The following JMJD1C variants were observed in gnomAD, a reference collection of about 807,000 sequenced individuals.
JMJD1C encodes the protein jumonji domain containing 1C.
JMJD1C carries 31 observed loss-of-function variants against 245.3 expected under a neutral mutation model. The observed-to-expected ratio is 0.13, with a 90% CI of 0.09 to 0.17. The LOEUF is 0.17. Ranked by LOEUF, JMJD1C falls within the 10% of genes least tolerant of loss-of-function variation. The pLI is 1.00. For missense variants in JMJD1C, 2,691 were observed against 3,000.2 expected, an observed-to-expected ratio of 0.90 and a Z score of 2.41; for synonymous variants, 1,057 against 1,017.4, an observed-to-expected ratio of 1.04 and a Z score of -0.74.
At chr10:63,271,870 T>A (rs1229978050) in intron 2 of JMJD1C, among the ~76,000 whole-genome samples, 1 of 151,590 alleles carries the variant, frequency 6.6e-6, no homozygotes, top group Non-Finnish European at 1.5e-5. Flanking sequence ...AGGTCAAGAG[T>A]TTGAGACCAG....
chr10:63,342,408 G>A (rs2134236449), intron 2 of JMJD1C, among the ~76,000 whole-genome samples: 1 of 152,312 alleles, frequency 6.6e-6, no homozygotes, highest in African/African-American at 2.4e-5. Context: ...TGTTAATGAG[G>A]CAGATGACAC....
intron 1 of JMJD1C, among the ~76,000 whole-genome samples, chr10:63,403,958 C>T (rs897818720): frequency 1.3e-5 from 2 of 150,408 alleles, no homozygotes; most frequent in Admixed American, 6.6e-5. Flanking sequence ...CAACAAAAAA[C>T]ACAAAAATTA....
chr10:63,363,571 G>C (rs74998458), intron 2 of JMJD1C, among the ~76,000 whole-genome samples: 1 of 151,610 alleles, frequency 6.6e-6, no homozygotes, highest in Non-Finnish European at 1.5e-5. Flanking sequence ...ACAATTTTTC[G>C]ATCAATTCCT....
chr10:63,369,687 T>C (rs1946140517), intron 2 of JMJD1C, among the ~76,000 whole-genome samples: 1 of 152,206 alleles, frequency 6.6e-6, no homozygotes. Flanking sequence ...ATGTAGACGT[T>C]CAAATATATT....
intron 23 of JMJD1C, 91 bp from the exon 24 acceptor site, chr10:63,176,564 A>G: frequency 1.1e-6 from 1 of 942,048 alleles, no homozygotes; most frequent in South Asian, 1.7e-5. Flanking sequence ...GTAATAACAA[A>G]TCTTTTCTTC....
chr10:63,207,721 A>G lies in JMJD1C; in HGVS notation c.3948T>C (p.Asp1316=), dbSNP rs1846811784. Residue 1316 remains aspartate (D), a synonymous_variant, in exon 10 of 26, where the codon GAT becomes GAC. Coordinates refer to ENST00000399262, the MANE Select transcript of JMJD1C (RefSeq NM_032776.3). ...IVRPSSSTKT[D]SMPAMQLASK... is the part of the protein sequence containing the mutation. ...AAGCTAACTGCATTGCTGGCATACTATCAGTTTTTGTACTAGAAGATGGAC... is the reference window on the plus strand; with the variant it reads ...AAGCTAACTGCATTGCTGGCATACTGTCAGTTTTTGTACTAGAAGATGGAC... The G allele has an allele frequency of 6.2e-7, 1 of 1,614,188 alleles. No homozygotes were observed. Among genetic ancestry groups the G allele is most frequent in the East Asian group, 2.2e-5 (1 of 44,892 alleles).
intron 1 of JMJD1C, among the ~76,000 whole-genome samples, chr10:63,416,416 C>A (rs1262495544): frequency 1.3e-5 from 2 of 151,474 alleles, no homozygotes; most frequent in African/African-American, 2.4e-5. Context: ...AAAAATCTAT[C>A]TCATTTTATG....
intron 2 of JMJD1C, among the ~76,000 whole-genome samples, chr10:63,296,981 T>C (rs984770945): frequency 6.6e-6 from 1 of 152,202 alleles, no homozygotes; most frequent in Non-Finnish European, 1.5e-5. Context: ...AATTATTCCC[T>C]TCTTGAACCA....
rs1554915199 is a variant in JMJD1C at position 63,387,629 on chromosome 10, A to AAT, written c.169-7148_169-7147insAT. On this transcript the variant is annotated intron_variant, in intron 1 of 25. Transcript: ENST00000399262. ...AGTCAGAAGAAAAAAGAAAAAAAAA[A>AAT]TTTTTTTTTTTTTTTTTTTTTTTTG... 7.7e-3 allele frequency among the ~76,000 whole-genome samples: 293 copies of AAT among 37,856 alleles called. 30 individuals are homozygous for AAT. The highest frequency in any genetic ancestry group is 0.02 in the African/African-American group (170 of 8,312). 24.8% of individuals were successfully genotyped at this position (37,856 alleles called of 152,430 possible). A position where few individuals can be genotyped will look rare whatever the true frequency, so the allele number is the denominator to read the frequency against.
Position 63,207,072 on chromosome 10 carries a change from CAG to C in JMJD1C, c.4595_4596del (p.Ser1532CysfsTer17). On this transcript the variant is annotated frameshift_variant, in exon 10 of 26. Transcript: ENST00000399262. LOFTEE classifies it high-confidence loss of function. The part of the protein sequence containing the change: ...VICSTINKAN[S>X]VGNGQASQTS... ...GTCTGGGAAGCTTGCCCATTTCCTA[CAG>C]AGTTTGCTTTGTTAATTGTACTACA... is the stretch of plus-strand genomic sequence containing the variant. 6.2e-7 allele frequency: 1 copy of C among 1,614,210 alleles called. No individual in the cohort carries two copies. Among genetic ancestry groups the C allele is most frequent in the Non-Finnish European group, 8.5e-7 (1 of 1,180,042 alleles).
chr10:63,461,130 T>C lies in JMJD1C; in HGVS notation c.168+4365A>G, dbSNP rs75795133. Among the ~76,000 whole-genome samples, 58 of 152,312 alleles carry C rather than the reference T, an allele frequency of 3.8e-4. 1 individual carries two copies. The East Asian group carries it at 9.8e-3, about 26-fold the overall frequency. On this transcript the variant is annotated intron_variant, in intron 1 of 25. Transcript: ENST00000399262. ...ACTGCACGAGTTTATGTCCCACCAT[T>C]GGGGCAATTTCGTCATTTTCCTATA...
At chr10:63,484,076 C>T (rs1953907574) in intron 1 of JMJD1C, among the ~76,000 whole-genome samples, 1 of 152,126 alleles carries the variant, frequency 6.6e-6, no homozygotes, top group East Asian at 1.9e-4. Context: ...ATGAACATGA[C>T]TTCACAGTGA....
At chr10:63,202,544 T>G (rs1214419135) in intron 10 of JMJD1C, 3 of 985,326 alleles carry the variant, frequency 3.0e-6, no homozygotes, top group Admixed American at 6.2e-5. Flanking sequence ...AGTGACCCAT[T>G]TGAAATCAGG....
At chr10:63,264,238 T>C (rs1042159697) in intron 3 of JMJD1C, among the ~76,000 whole-genome samples, 3 of 152,012 alleles carry the variant, frequency 2.0e-5, no homozygotes, top group Non-Finnish European at 4.4e-5. Context: ...ATTTCCCCTT[T>C]AAAAAAAGAA....
intron 24 of JMJD1C, 44 bp from the exon 25 acceptor site, chr10:63,168,610 G>A: frequency 6.6e-7 from 1 of 1,504,628 alleles, no homozygotes; most frequent in Non-Finnish European, 8.8e-7. Context: ...TTTAGGAGGT[G>A]GAGCAAAGAA....
At chr10:63,429,189 G>A (rs1950609589) in intron 1 of JMJD1C, among the ~76,000 whole-genome samples, 1 of 152,054 alleles carries the variant, frequency 6.6e-6, no homozygotes, top group South Asian at 2.1e-4. Flanking sequence ...CATGATGGCA[G>A]GCTGGTCTCA....
At chr10:63,258,752 G>A (rs1854309827) in intron 3 of JMJD1C, among the ~76,000 whole-genome samples, 1 of 152,166 alleles carries the variant, frequency 6.6e-6, no homozygotes, top group Admixed American at 6.6e-5. Context: ...CTTCAAGGAA[G>A]TCATTTTTTA....
At chr10:63,353,028 G>A (rs1944496753) in intron 2 of JMJD1C, among the ~76,000 whole-genome samples, 1 of 152,284 alleles carries the variant, frequency 6.6e-6, no homozygotes, top group South Asian at 2.1e-4. Flanking sequence ...CAGTCTACGA[G>A]GAGAGACTGA....
At chr10:63,375,919 C>T (rs1230027522) in intron 2 of JMJD1C, among the ~76,000 whole-genome samples, 1 of 152,042 alleles carries the variant, frequency 6.6e-6, no homozygotes, top group Non-Finnish European at 1.5e-5. Flanking sequence ...TGACCTTTTT[C>T]TGGAGAAAAA....
Sources: gnomAD v4.1 joint callset for allele counts (sites outside exome capture counted in the v4.1 genomes callset) on GRCh38, gnomAD v4.1.1 for gene constraint, MANE v1.5 for transcripts, NCBI Gene and HGNC (gene_info 2026-07-23, HGNC 2026-07-21) for gene names.